Variants in NEK10 observed in about 807,000 individuals in gnomAD.
The protein encoded by NEK10 is NIMA related kinase 10.
NEK10 carries 122 observed loss-of-function variants against 159.8 expected under a neutral mutation model. That is an observed-to-expected ratio of 0.76 (90% CI 0.66 to 0.89). NEK10 has a LOEUF of 0.89. Among genes scored for constraint, NEK10 ranks in the 40% least tolerant of loss-of-function variants. The probability of loss-of-function intolerance (pLI) is 0.00; values close to 1 mark genes in which losing one functional copy is unlikely to be tolerated. For missense variants in NEK10, 1,342 were observed against 1,323.1 expected, an observed-to-expected ratio of 1.01 and a Z score of -0.22; for synonymous variants, 466 against 457.1, an observed-to-expected ratio of 1.02 and a Z score of -0.25.
At chr3:27,239,707 G>C (rs6551183) in intron 23 of NEK10, among the ~76,000 whole-genome samples, 41 of 151,946 alleles carry the variant, frequency 2.7e-4, no homozygotes, top group Admixed American at 2.6e-3. Context: ...ACAAAAACTA[G>C]GAATGAGCAA....
chr3:27,139,671 C>T (rs1943578486), intron 31 of NEK10, among the ~76,000 whole-genome samples: 1 of 152,142 alleles, frequency 6.6e-6, no homozygotes, highest in South Asian at 2.1e-4. Context: ...AGTAGTTTAA[C>T]TGGTTGTTTG....
chr3:27,311,781 G>T, intron 8 of NEK10: 1 of 291,758 alleles, frequency 3.4e-6, no homozygotes, highest in Non-Finnish European at 6.4e-6. Flanking sequence ...CAACTTTATA[G>T]AAAAAAAACT....
At chr3:27,325,891 A>G (rs2045966760) in intron 5 of NEK10, among the ~76,000 whole-genome samples, 1 of 152,172 alleles carries the variant, frequency 6.6e-6, no homozygotes, top group Admixed American at 6.5e-5. Flanking sequence ...CACAGTTGCC[A>G]TCAACACCTT....
chr3:27,340,626 T>A (rs1203190268), intron 5 of NEK10, among the ~76,000 whole-genome samples: 1 of 152,082 alleles, frequency 6.6e-6, no homozygotes, highest in East Asian at 1.9e-4. Flanking sequence ...TCACTAATCA[T>A]CAGAGAAATG....
intron 30 of NEK10, chr3:27,162,309 G>T: frequency 7.4e-7 from 1 of 1,343,496 alleles, no homozygotes; most frequent in Admixed American, 2.5e-5. Flanking sequence ...CCATCAAATC[G>T]CCAAACTAAT....
intron 23 of NEK10, among the ~76,000 whole-genome samples, chr3:27,224,746 A>G (rs1378500468): frequency 2.0e-5 from 3 of 152,114 alleles, no homozygotes; most frequent in Non-Finnish European, 4.4e-5. Context: ...TCCGTTTTCT[A>G]TGGAACCCGG....
intron 22 of NEK10, among the ~76,000 whole-genome samples, chr3:27,264,507 A>C (rs750920195): frequency 1.3e-5 from 2 of 152,210 alleles, no homozygotes; most frequent in Non-Finnish European, 2.9e-5. Context: ...CATCAGTGTG[A>C]GTTCAATAGA....
At chr3:27,290,472 G>T (rs949879245) in intron 19 of NEK10, 145 bp downstream of exon 19, 1 of 576,780 alleles carries the variant, frequency 1.7e-6, no homozygotes, top group Non-Finnish European at 2.9e-6. Context: ...TAGGAAAAAA[G>T]CTGGCAAAAA....
chr3:27,107,894 T>G lies in NEK10; in HGVS notation c.*3378A>C, dbSNP rs1258884333. Among the ~76,000 whole-genome samples, 2 of 152,106 alleles carry G rather than the reference T, an allele frequency of 1.3e-5. No homozygotes were observed. Among genetic ancestry groups the G allele is most frequent in the South Asian group, 2.1e-4 (1 of 4,836 alleles). On this transcript the variant is annotated 3_prime_UTR_variant, in exon 36 of 36. Coordinates refer to ENST00000691995, the MANE Select transcript of NEK10 (RefSeq NM_001394966.1). ...TTGACTGTGCATGATTCCTCACCAC[T>G]TCAAAAAAAGAGAAAAATAGCAATA...
intron 24 of NEK10, among the ~76,000 whole-genome samples, chr3:27,202,146 G>A (rs935560495): frequency 1.3e-5 from 2 of 149,250 alleles, no homozygotes; most frequent in Non-Finnish European, 3.0e-5. Context: ...GTGAGACTCT[G>A]TCTCAAAAAT....
intron 23 of NEK10, among the ~76,000 whole-genome samples, chr3:27,246,007 G>A (rs1318266476): frequency 6.6e-6 from 1 of 152,044 alleles, no homozygotes; most frequent in Non-Finnish European, 1.5e-5. Context: ...ACTTGTAAAA[G>A]TAAAGACTAT....
intron 29 of NEK10, among the ~76,000 whole-genome samples, chr3:27,165,430 C>T (rs1434846563): frequency 1.3e-5 from 2 of 152,168 alleles, no homozygotes; most frequent in East Asian, 3.9e-4. Flanking sequence ...TAGAGCATTA[C>T]GGCTACAGAG....
intron 26 of NEK10, among the ~76,000 whole-genome samples, chr3:27,175,640 C>G (rs1947431104): frequency 6.6e-6 from 1 of 152,144 alleles, no homozygotes; most frequent in Non-Finnish European, 1.5e-5. Flanking sequence ...TGTTTCTTTA[C>G]CCAAGCAACT....
intron 26 of NEK10, among the ~76,000 whole-genome samples, chr3:27,187,048 G>A (rs1320831439): frequency 6.6e-6 from 1 of 152,176 alleles, no homozygotes; most frequent in East Asian, 1.9e-4. Context: ...GTAACCCCAA[G>A]GGGAGAGTTG....
chr3:27,124,569 G>A (rs376245721), intron 32 of NEK10, among the ~76,000 whole-genome samples: 1 of 152,180 alleles, frequency 6.6e-6, no homozygotes, highest in Admixed American at 6.6e-5. Context: ...CAGAACCAGG[G>A]CCAGAAGCTA....
At chr3:27,265,547 A>C (rs2149371695) in intron 22 of NEK10, 1 of 152,194 alleles carries the variant, frequency 6.6e-6, no homozygotes, top group East Asian at 1.9e-4. Flanking sequence ...AACACTTTTC[A>C]TGTATTTATT....
chr3:27,239,198 A>C (rs564104331), intron 23 of NEK10, among the ~76,000 whole-genome samples: 7 of 128,754 alleles, frequency 5.4e-5, no homozygotes, highest in South Asian at 2.1e-4. Context: ...TCAAGTTCAC[A>C]AAAAAAATTA....
intron 11 of NEK10, among the ~76,000 whole-genome samples, chr3:27,306,627 A>T (rs1439420680): frequency 6.6e-6 from 1 of 152,154 alleles, no homozygotes; most frequent in Non-Finnish European, 1.5e-5. Flanking sequence ...TAAAATTCAC[A>T]TCGTTATTTA....
At chr3:27,192,958 A>C (rs923532313) in intron 25 of NEK10, among the ~76,000 whole-genome samples, 1 of 152,168 alleles carries the variant, frequency 6.6e-6, no homozygotes, top group Non-Finnish European at 1.5e-5. Flanking sequence ...TTAAAACCTC[A>C]TTTACCATTT....
Sources: gnomAD v4.1 joint callset for allele counts (sites outside exome capture counted in the v4.1 genomes callset) on GRCh38, gnomAD v4.1.1 for gene constraint, MANE v1.5 for transcripts, NCBI Gene and HGNC (gene_info 2026-07-23, HGNC 2026-07-21) for gene names.